Variants in DPP10 observed in about 807,000 individuals in gnomAD.
The protein encoded by DPP10 is dipeptidyl peptidase like 10.
A neutral mutation model predicts 120.9 loss-of-function variants in DPP10; 33 were observed. That is an observed-to-expected ratio of 0.27 (90% CI 0.21 to 0.37). DPP10 has a LOEUF of 0.37. Among genes scored for constraint, DPP10 ranks in the 10% least tolerant of loss-of-function variants. The pLI is 1.00. For missense variants in DPP10, 816 were observed against 942.8 expected, an observed-to-expected ratio of 0.87 and a Z score of 1.76; for synonymous variants, 337 against 326.1, an observed-to-expected ratio of 1.03 and a Z score of -0.36.
At chr2:115,210,069 G>A (rs1418275824) in intron 1 of DPP10, among the ~76,000 whole-genome samples, 5 of 151,818 alleles carry the variant, frequency 3.3e-5, no homozygotes, top group Non-Finnish European at 5.9e-5. Flanking sequence ...TGTACACAAC[G>A]TACAGGTTTG....
chr2:114,466,682 C>T (rs181155226), intron 1 of DPP10, among the ~76,000 whole-genome samples: 21 of 152,232 alleles, frequency 1.4e-4, no homozygotes, highest in Admixed American at 7.9e-4. Flanking sequence ...TAAGCACCAG[C>T]GAATGTGAAC....
intron 3 of DPP10, among the ~76,000 whole-genome samples, chr2:115,414,006 TG>T (rs1018817065): frequency 2.6e-5 from 4 of 152,140 alleles, no homozygotes; most frequent in Non-Finnish European, 5.9e-5. Flanking sequence ...TCTGATTCAG[TG>T]GTTCAAGGCC....
chr2:115,205,339 T>G (rs2056048171), intron 1 of DPP10, among the ~76,000 whole-genome samples: 1 of 152,210 alleles, frequency 6.6e-6, no homozygotes, highest in South Asian at 2.1e-4. Context: ...GATCATTTAT[T>G]GAGAAGGGAA....
intron 1 of DPP10, among the ~76,000 whole-genome samples, chr2:115,125,706 G>C (rs544959153): frequency 2.0e-5 from 3 of 151,550 alleles, no homozygotes; most frequent in African/African-American, 7.3e-5. Context: ...TGAGTAGCTG[G>C]GACTACAGGT....
At chr2:115,748,551 G>C (rs1255251680) in intron 10 of DPP10, among the ~76,000 whole-genome samples, 1 of 151,946 alleles carries the variant, frequency 6.6e-6, no homozygotes, top group East Asian at 1.9e-4. Context: ...TTATAAACCA[G>C]ATTCTCTGAC....
At position 114,713,917 on chromosome 2, in the gene DPP10, G is replaced by A. The variant is rs574335403; in HGVS notation, c.60+271079G>A. On this transcript the variant is annotated intron_variant, in intron 1 of 25. Coordinates refer to ENST00000410059, the MANE Select transcript of DPP10 (RefSeq NM_020868.6). ...TGAGAATCTCTTGAACTCAGGAGGC[G>A]GAGGTTGCAGTGAGCCGAGATCGCA... is the stretch of plus-strand genomic sequence containing the variant. 5.9e-5 allele frequency among the ~76,000 whole-genome samples: 9 copies of A among 151,722 alleles called. No individual in the cohort carries two copies. The South Asian group carries it at 6.3e-4, about 11-fold the overall frequency.
At chr2:115,332,434 C>G (rs2062809302) in intron 2 of DPP10, among the ~76,000 whole-genome samples, 1 of 152,102 alleles carries the variant, frequency 6.6e-6, no homozygotes, top group Non-Finnish European at 1.5e-5. Flanking sequence ...TTCAGTTCTG[C>G]TCTGATCTTA....
At chr2:114,859,946 G>C (rs549757881) in intron 1 of DPP10, among the ~76,000 whole-genome samples, 1 of 152,268 alleles carries the variant, frequency 6.6e-6, no homozygotes, top group South Asian at 2.1e-4. Context: ...TTACTCAGCA[G>C]ACATAGGGTG....
chr2:115,107,293 G>A (rs569825911), intron 1 of DPP10, among the ~76,000 whole-genome samples: 12 of 151,640 alleles, frequency 7.9e-5, no homozygotes, highest in Non-Finnish European at 1.6e-4. Flanking sequence ...ATACAAAACT[G>A]AATTTCCTTA....
At chr2:115,778,771 T>G (rs562884033) in intron 15 of DPP10, among the ~76,000 whole-genome samples, 1 of 152,256 alleles carries the variant, frequency 6.6e-6, no homozygotes, top group East Asian at 1.9e-4. Flanking sequence ...CAATTTGCTT[T>G]CATCAGAAGC....
chr2:115,499,454 T>G (rs2076567990), intron 3 of DPP10, 56 bp from the exon 4 acceptor site: 1 of 1,410,956 alleles, frequency 7.1e-7, no homozygotes, highest in Non-Finnish European at 9.9e-7. Flanking sequence ...TCCCCTACAG[T>G]TACTATATTA....
chr2:114,563,725 T>A (rs1688955383), intron 1 of DPP10, among the ~76,000 whole-genome samples: 1 of 152,184 alleles, frequency 6.6e-6, no homozygotes, highest in Non-Finnish European at 1.5e-5. Flanking sequence ...TGGCTCCATT[T>A]TTTTTAAAGT....
chr2:115,215,891 A>G (rs922018844), intron 1 of DPP10, among the ~76,000 whole-genome samples: 1 of 152,178 alleles, frequency 6.6e-6, no homozygotes, highest in Non-Finnish European at 1.5e-5. Context: ...TAGCAAATAT[A>G]TGGAATCGTG....
intron 1 of DPP10, among the ~76,000 whole-genome samples, chr2:114,649,357 T>C (rs58500173): frequency 6.7e-6 from 1 of 148,366 alleles, no homozygotes; most frequent in African/African-American, 2.5e-5. Flanking sequence ...TTTTTTTTTC[T>C]TTTTTTTTTG....
chr2:115,831,272 G>T (rs774339121), intron 21 of DPP10, among the ~76,000 whole-genome samples: 1 of 151,032 alleles, frequency 6.6e-6, no homozygotes, highest in Non-Finnish European at 1.5e-5. Context: ...ATTTTGAGAC[G>T]GAGTCTTACT....
chr2:114,635,314 G>T (rs1490597959), intron 1 of DPP10, among the ~76,000 whole-genome samples: 1 of 151,838 alleles, frequency 6.6e-6, no homozygotes, highest in Non-Finnish European at 1.5e-5. Flanking sequence ...ATTTAATTTG[G>T]AGGGAAATGT....
chr2:114,809,426 A>G (rs2106316079), intron 1 of DPP10, among the ~76,000 whole-genome samples: 1 of 152,320 alleles, frequency 6.6e-6, no homozygotes, highest in East Asian at 1.9e-4. Flanking sequence ...TTAGCCTGAC[A>G]CTAAAATTTA....
intron 1 of DPP10, among the ~76,000 whole-genome samples, chr2:114,898,041 A>G (rs984618043): frequency 6.6e-6 from 1 of 152,218 alleles, no homozygotes; most frequent in Non-Finnish European, 1.5e-5. Context: ...ATAAAGACAC[A>G]TGCACACGTA....
At chr2:115,777,936 T>C in intron 15 of DPP10, 102 bp downstream of exon 15, 1 of 1,274,286 alleles carries the variant, frequency 7.8e-7, no homozygotes, top group Admixed American at 1.9e-5. Flanking sequence ...TTTTTCAACA[T>C]GGCTAGGAAG....
Sources: gnomAD v4.1 joint callset for allele counts (sites outside exome capture counted in the v4.1 genomes callset) on GRCh38, gnomAD v4.1.1 for gene constraint, MANE v1.5 for transcripts, NCBI Gene and HGNC (gene_info 2026-07-23, HGNC 2026-07-21) for gene names.